MCMBP: variants seen among roughly 807,000 people sequenced by gnomAD.
MCMBP encodes mini-chromosome maintenance complex-binding protein.
Under a neutral mutation model 81.3 loss-of-function variants are expected in MCMBP, and 31 were observed. The observed-to-expected ratio is 0.38, with a 90% confidence interval of 0.29 to 0.51. The LOEUF (loss-of-function observed/expected upper bound fraction) is 0.51, where lower values mean the gene tolerates loss of function less well. MCMBP is among the 20% of genes least tolerant of loss of function. The pLI is 0.87. For synonymous variants in MCMBP, 267 were observed against 275.9 expected (o/e 0.97, Z 0.32); for missense variants, 645 against 772.1 (o/e 0.84, Z 1.95).
chr10:119,842,168 C>T (rs1292313640), intron 10 of MCMBP, among the ~76,000 whole-genome samples: 1 of 152,152 alleles, frequency 6.6e-6, no homozygotes, highest in Non-Finnish European at 1.5e-5. Flanking sequence ...CTGAAACCAT[C>T]CCCACTCCGG....
intron 15 of MCMBP, 55 bp from the exon 16 acceptor site, chr10:119,831,655 A>C: frequency 6.3e-7 from 1 of 1,587,362 alleles, no homozygotes; most frequent in Non-Finnish European, 8.6e-7. Flanking sequence ...GTAAGTTTTA[A>C]ATTTTTTTTA....
At chr10:119,843,550 T>G (rs546767452) in intron 8 of MCMBP, 124 bp from the exon 9 acceptor site, 27 of 883,998 alleles carry the variant, frequency 3.1e-5, no homozygotes, top group Non-Finnish European at 4.2e-5. Flanking sequence ...TACATCTCCT[T>G]AAAGAACAGA....
rs1853145407 is a variant in MCMBP at position 119,858,939 on chromosome 10, C to T, written c.286-14G>A. 1 of 1,612,106 alleles carries T rather than the reference C, an allele frequency of 6.2e-7. No individual in the cohort carries two copies. The highest frequency in any genetic ancestry group is 8.5e-7 in the Non-Finnish European group (1 of 1,179,040). ...AAAATGAAGAACCTATGACCCCAAA[C>T]ATAGAAAAACAGAATTATATCAATA... On this transcript the variant is annotated splice_polypyrimidine_tract_variant and intron_variant, in intron 3 of 15. Transcript: ENST00000369077.
intron 10 of MCMBP, among the ~76,000 whole-genome samples, chr10:119,841,824 T>A (rs1852443661): frequency 6.6e-6 from 1 of 152,254 alleles, no homozygotes; most frequent in South Asian, 2.1e-4. Flanking sequence ...AACGTGCACA[T>A]GACGTGGGCG....
intron 10 of MCMBP, among the ~76,000 whole-genome samples, chr10:119,841,291 A>G (rs907305852): frequency 6.6e-6 from 1 of 152,236 alleles, no homozygotes; most frequent in Non-Finnish European, 1.5e-5. Flanking sequence ...TCTAAATGGA[A>G]GCTGACAGAG....
chr10:119,845,895 C>CT lies in MCMBP; in HGVS notation c.827+1717dup, dbSNP rs1301662062. Among the ~76,000 whole-genome samples, 5 of 152,270 alleles carry CT rather than the reference C, an allele frequency of 3.3e-5. No homozygotes were observed. In the East Asian group the frequency reaches 9.7e-4, roughly 29 times the overall value. The stretch of plus-strand genomic sequence containing the variant: ...GTCATAAATATAGAAAGGAGAACAA[C>CT]TAGAACATGTGACTCCTGCTGTGCT... On this transcript the variant is annotated intron_variant, in intron 8 of 15. Coordinates refer to ENST00000369077, the MANE Select transcript of MCMBP (RefSeq NM_001256378.2).
rs1042092775 is a variant in MCMBP at position 119,830,057 on chromosome 10, T to G, written c.*1417A>C. 4 of 152,676 alleles carry G rather than the reference T, an allele frequency of 2.6e-5. No individual in the cohort carries two copies. Among genetic ancestry groups the G allele is most frequent in the African/African-American group, 9.6e-5 (4 of 41,470 alleles). The allele number at this position is 152,676 out of a possible 1,614,324, so 9.5% of individuals were successfully genotyped here. On this transcript the variant is annotated 3_prime_UTR_variant, in exon 16 of 16. Transcript: ENST00000369077. ...AAAATGAAAACCAGTTCAACTCTAA[T>G]ATAAACATTATTTACATTTGTTTAT...
At chr10:119,850,506 T>C (rs1225719075) in intron 6 of MCMBP, among the ~76,000 whole-genome samples, 1 of 151,992 alleles carries the variant, frequency 6.6e-6, no homozygotes, top group Admixed American at 6.6e-5. Flanking sequence ...TCCCAGCACT[T>C]TGGGAGGCTG....
intron 1 of MCMBP, among the ~76,000 whole-genome samples, chr10:119,867,493 G>T (rs1441152624): frequency 1.3e-5 from 2 of 151,956 alleles, no homozygotes; most frequent in African/African-American, 4.8e-5. Flanking sequence ...GTTGAGGTGT[G>T]GATAACAGTC....
intron 4 of MCMBP, among the ~76,000 whole-genome samples, chr10:119,858,538 C>A (rs762919515): frequency 3.3e-5 from 5 of 152,106 alleles, no homozygotes; most frequent in Non-Finnish European, 7.4e-5. Flanking sequence ...CTGATTCTGA[C>A]AGCTTTCTAT....
rs1340261601 is a variant in MCMBP at position 119,829,808 on chromosome 10, T to G, written c.*1666A>C. ...CCCAAGGTACTGCTAATTTGGGACG[T>G]TTTATTTATTGGAAAGGTTCTTTCA... On this transcript the variant is annotated 3_prime_UTR_variant, in exon 16 of 16. Coordinates refer to ENST00000369077, the MANE Select transcript of MCMBP (RefSeq NM_001256378.2). 1 of 152,210 alleles carries G rather than the reference T, an allele frequency of 6.6e-6. No individual in the cohort carries two copies. The highest frequency in any genetic ancestry group is 1.9e-4 in the East Asian group (1 of 5,200). The allele number at this position is 152,210 out of a possible 1,614,324, so 9.4% of individuals were successfully genotyped here.
chr10:119,853,353 T>C (rs1395571480), intron 5 of MCMBP, among the ~76,000 whole-genome samples, 159 bp from the exon 6 acceptor site: 1 of 152,338 alleles, frequency 6.6e-6, no homozygotes, highest in African/African-American at 2.4e-5. Context: ...GTCATGAGAA[T>C]AACAGGTATC....
chr10:119,861,606 G>A (rs1400778313), intron 1 of MCMBP, among the ~76,000 whole-genome samples: 2 of 151,900 alleles, frequency 1.3e-5, no homozygotes, highest in East Asian at 1.9e-4. Flanking sequence ...ACACAGCCAC[G>A]ACTGCCACAC....
In MCMBP at chr10:119,853,164, T is replaced by C. The variant is rs1198306489; in HGVS notation, c.460A>G (p.Ser154Gly). ...CTAGGAGTGTAGGATGTTGAGGGACTGACTCGAGCTTGGTTTGCATTAACA... is the reference window on the plus strand; with the variant it reads ...CTAGGAGTGTAGGATGTTGAGGGACCGACTCGAGCTTGGTTTGCATTAACA... ...AYVNANQARV[S>G]PSTSYTPSRH... Residue 154 changes from serine to glycine, a missense_variant, in exon 6 of 16, where the codon AGT (serine) becomes GGT (glycine). Ser to Gly is a moderately conservative substitution (Grantham distance 56). Transcript: ENST00000369077. 1 of 1,614,092 alleles carries C rather than the reference T, an allele frequency of 6.2e-7. No individual in the cohort carries two copies. The highest frequency in any genetic ancestry group is 1.1e-5 in the South Asian group (1 of 91,066).
At chr10:119,857,028 A>T (rs1271870635) in intron 5 of MCMBP, among the ~76,000 whole-genome samples, 1 of 141,274 alleles carries the variant, frequency 7.1e-6, no homozygotes, top group African/African-American at 2.6e-5. Context: ...TGAGCCCAGG[A>T]GGTTGAAGCA....
chr10:119,837,790 A>C lies in MCMBP; in HGVS notation c.1408+745T>G, dbSNP rs540968422. On this transcript the variant is annotated intron_variant, in intron 12 of 15. Coordinates refer to ENST00000369077, the MANE Select transcript of MCMBP (RefSeq NM_001256378.2). Reference sequence around the variant, plus strand: ...AGAGCAAGACTCCGTCTCAAAACAAAAAAAAAATTATATTAGATCTTTTCT... The same window carrying C: ...AGAGCAAGACTCCGTCTCAAAACAACAAAAAAATTATATTAGATCTTTTCT... 2.1e-3 allele frequency among the ~76,000 whole-genome samples: 322 copies of C among 152,248 alleles called. 2 individuals carry two copies. The highest frequency in any genetic ancestry group is 7.4e-3 in the African/African-American group (308 of 41,550).
At chr10:119,858,566 T>A (rs1166579539) in intron 4 of MCMBP, among the ~76,000 whole-genome samples, 7 of 152,202 alleles carry the variant, frequency 4.6e-5, no homozygotes, top group Admixed American at 1.3e-4. Flanking sequence ...ACAGTGAGAT[T>A]ACCATTGGCT....
At chr10:119,853,023 T>C (rs748494817) in intron 6 of MCMBP, 27 bp downstream of exon 6, 5 of 1,612,724 alleles carry the variant, frequency 3.1e-6, no homozygotes, top group Non-Finnish European at 3.4e-6. Flanking sequence ...GAGCAAAGTC[T>C]AGAGAAAACC....
chr10:119,834,367 CT>C (rs1852160363), intron 14 of MCMBP, among the ~76,000 whole-genome samples: 2 of 152,204 alleles, frequency 1.3e-5, no homozygotes, highest in Non-Finnish European at 1.5e-5. Flanking sequence ...ACAAAGGATC[CT>C]TATCAGAAAC....
Sources: allele counts gnomAD v4.1 joint callset (sites outside exome capture counted in the v4.1 genomes callset), GRCh38; gene constraint gnomAD v4.1.1; transcripts MANE v1.5; gene names NCBI Gene and HGNC (gene_info 2026-07-23, HGNC 2026-07-21).